USP45: variants seen among roughly 807,000 people sequenced by gnomAD.
USP45 encodes ubiquitin carboxyl-terminal hydrolase 45.
USP45 carries 89 observed loss-of-function variants against 95.8 expected under a neutral mutation model. The ratio of observed to expected loss-of-function variants is 0.93; its 90% CI spans 0.78 to 1.11. The LOEUF is 1.11. USP45 is among the 50% of genes least tolerant of loss of function. USP45 has a pLI of 0.00. For synonymous variants in USP45, 281 were observed against 316.2 expected (o/e 0.89, Z 1.18); for missense variants, 898 against 942.5 (o/e 0.95, Z 0.62).
intron 13 of USP45, chr6:99,462,775 G>A (rs957653833): frequency 2.3e-5 from 18 of 769,374 alleles, no homozygotes; most frequent in Non-Finnish European, 2.9e-5. Flanking sequence ...AGGTCATCAG[G>A]AGTTTGAGAC....
chr6:99,495,168 G>C (rs1796035931), intron 5 of USP45, among the ~76,000 whole-genome samples: 1 of 152,132 alleles, frequency 6.6e-6, no homozygotes. Context: ...CTTGAGGGCA[G>C]TTTTACAACA....
At chr6:99,493,869 TAAC>T (rs987399795) in intron 5 of USP45, among the ~76,000 whole-genome samples, 8 of 152,184 alleles carry the variant, frequency 5.3e-5, no homozygotes, top group African/African-American at 1.7e-4. Flanking sequence ...TTTTCAGAGA[TAAC>T]AAAGCATTTT....
At chr6:99,516,810 C>T (rs1223124353), upstream of USP45, among the ~76,000 whole-genome samples, 1 of 152,050 alleles carries the variant, frequency 6.6e-6, no homozygotes, top group Non-Finnish European at 1.5e-5. Context: ...TTGAGCAAAT[C>T]TAAATAATTT....
At chr6:99,447,512 A>AAT (rs766914512) in intron 13 of USP45, among the ~76,000 whole-genome samples, 3 of 152,164 alleles carry the variant, frequency 2.0e-5, no homozygotes, top group Non-Finnish European at 4.4e-5. Context: ...TTATACATAT[A>AAT]ATACTAACAG....
intron 12 of USP45, 38 bp downstream of exon 12, chr6:99,465,042 C>T: frequency 6.7e-7 from 1 of 1,487,038 alleles, no homozygotes; most frequent in Non-Finnish European, 9.2e-7. Context: ...ATTAAATGTT[C>T]TTCACCAAAG....
At chr6:99,495,931 T>C (rs1274311105) in intron 5 of USP45, among the ~76,000 whole-genome samples, 1 of 152,114 alleles carries the variant, frequency 6.6e-6, no homozygotes, top group Admixed American at 6.5e-5. Flanking sequence ...ACTGAGAAAA[T>C]AGTCACTCTA....
chr6:99,501,757 T>TG (rs1194777525), intron 5 of USP45: 1 of 340,798 alleles, frequency 2.9e-6, no homozygotes, highest in East Asian at 9.9e-5. Context: ...ATTATTTATT[T>TG]GTTAGGTAAC....
At chr6:99,482,550 T>A in intron 8 of USP45, 1 of 432,066 alleles carries the variant, frequency 2.3e-6, no homozygotes, top group Non-Finnish European at 4.0e-6. Flanking sequence ...TGTCTCCATT[T>A]CCTTATATAT....
chr6:99,433,805 TGAAACAA>T lies in USP45; in HGVS notation c.*1904_*1910del, dbSNP rs1041518255. On this transcript the variant is annotated 3_prime_UTR_variant, in exon 18 of 18. Coordinates refer to ENST00000500704, the MANE Select transcript of USP45 (RefSeq NM_001346022.3). Reference sequence around the variant, plus strand: ...GGGTATCTATCCAAATATTTGTCTTTGAAACAAGAAACAAGTGACCATCCGATGAAAA... The same window carrying T: ...GGGTATCTATCCAAATATTTGTCTTTGAAACAAGTGACCATCCGATGAAAA... The T allele has an allele frequency of 4.8e-4, 73 of 152,318 alleles. No individual in the cohort carries two copies. The highest frequency in any genetic ancestry group is 1.7e-3 in the African/African-American group (72 of 41,582). The allele number at this position is 152,318 out of a possible 1,614,324, so 9.4% of individuals were successfully genotyped here.
At chr6:99,487,631 TA>T (rs1315755525) in intron 7 of USP45, among the ~76,000 whole-genome samples, 3 of 11,534 alleles carry the variant, frequency 2.6e-4, no homozygotes, top group South Asian at 3.5e-3. Context: ...CTACTAAAAA[TA>T]CAAAAAAAAA....
chr6:99,433,052 G>A lies in USP45; in HGVS notation c.*2664C>T, dbSNP rs147698013. Reference sequence around the variant, plus strand: ...TCCGTCACTCTGCAGGAATGCAGTGGTGTGATCATGGTTCACTGCACCTTG... The same window carrying A: ...TCCGTCACTCTGCAGGAATGCAGTGATGTGATCATGGTTCACTGCACCTTG... On this transcript the variant is annotated 3_prime_UTR_variant, in exon 18 of 18. Coordinates refer to ENST00000500704, the MANE Select transcript of USP45 (RefSeq NM_001346022.3). The A allele has an allele frequency of 1.3e-5, 2 of 152,174 alleles. No homozygotes were observed. The highest frequency in any genetic ancestry group is 2.9e-5 in the Non-Finnish European group (2 of 68,004). 9.4% of individuals were successfully genotyped at this position (152,174 alleles called of 1,614,324 possible).
intron 4 of USP45, among the ~76,000 whole-genome samples, chr6:99,504,100 G>A (rs761584786): frequency 5.3e-5 from 8 of 152,136 alleles, no homozygotes; most frequent in Non-Finnish European, 1.0e-4. Context: ...TGCCACGAGA[G>A]GGTTTTTAAG....
chr6:99,445,220 C>G (rs1201891793), intron 14 of USP45, among the ~76,000 whole-genome samples: 1 of 152,110 alleles, frequency 6.6e-6, no homozygotes, highest in Non-Finnish European at 1.5e-5. Context: ...CATGGTGGCT[C>G]ACACCTGTAA....
At chr6:99,483,256 G>A (rs575420708) in intron 7 of USP45, among the ~76,000 whole-genome samples, 35 of 152,094 alleles carry the variant, frequency 2.3e-4, no homozygotes, top group South Asian at 1.9e-3. Flanking sequence ...ATGATTATTT[G>A]TGTATAATGT....
intron 8 of USP45, among the ~76,000 whole-genome samples, chr6:99,481,062 T>C (rs1032487838): frequency 1.3e-5 from 2 of 151,998 alleles, no homozygotes; most frequent in African/African-American, 4.8e-5. Context: ...CCACTGCACT[T>C]GAGCCTGGGC....
At chr6:99,492,023 C>G (rs1409144418) in intron 5 of USP45, among the ~76,000 whole-genome samples, 1 of 152,168 alleles carries the variant, frequency 6.6e-6, no homozygotes, top group Non-Finnish European at 1.5e-5. Context: ...ATATTTTAAT[C>G]TTGCAAAGAC....
rs1448494641 is a variant in USP45 at position 99,508,754 on chromosome 6, A to G, written c.129T>C (p.His43=). ...TCTTTACATGATTCACGCTGATAGC[A>G]TGACTTACATGTTGGCAAGTTAAAC... ...AVGLTCQHVS[H]AISVNHVKRA... is the part of the protein sequence containing the mutation. Residue 43 remains histidine, a synonymous_variant, in exon 3 of 18, where the codon CAT becomes CAC. Transcript: ENST00000500704. 1 of 1,611,518 alleles carries G rather than the reference A, an allele frequency of 6.2e-7. No individual in the cohort carries two copies. Among genetic ancestry groups the G allele is most frequent in the Non-Finnish European group, 8.5e-7 (1 of 1,179,340 alleles).
intron 13 of USP45, among the ~76,000 whole-genome samples, chr6:99,457,144 A>C (rs1374128699): frequency 2.0e-5 from 3 of 152,218 alleles, no homozygotes; most frequent in Non-Finnish European, 2.9e-5. Context: ...TATCAATGAC[A>C]ATGGTGCCCA....
At chr6:99,436,278 G>A (rs962082190) in intron 17 of USP45, among the ~76,000 whole-genome samples, 3 of 152,050 alleles carry the variant, frequency 2.0e-5, no homozygotes, top group African/African-American at 7.2e-5. Flanking sequence ...CTGGCCCAGC[G>A]CAGTGGCTCA....
Sources: allele counts gnomAD v4.1 joint callset (sites outside exome capture counted in the v4.1 genomes callset), GRCh38; gene constraint gnomAD v4.1.1; transcripts MANE v1.5; gene names NCBI Gene and HGNC (gene_info 2026-07-23, HGNC 2026-07-21).